LTBP1: variants seen among roughly 807,000 people sequenced by gnomAD.
LTBP1 encodes the protein latent-transforming growth factor beta-binding protein 1.
A neutral mutation model predicts 207.6 loss-of-function variants in LTBP1; 129 were observed. The ratio of observed to expected loss-of-function variants is 0.62; its 90% CI spans 0.54 to 0.72. LTBP1 has a LOEUF of 0.72. LTBP1 is among the 30% of genes least tolerant of loss of function. The probability of loss-of-function intolerance (pLI) is 0.00; values close to 1 mark genes in which losing one functional copy is unlikely to be tolerated. For synonymous variants in LTBP1, 963 were observed against 833.7 expected (o/e 1.16, Z -2.67); for missense variants, 2,281 against 2,217.2 (o/e 1.03, Z -0.58).
intron 3 of LTBP1, among the ~76,000 whole-genome samples, chr2:33,053,951 TAACAGGTGAGGGCTATCCCTA>T (rs2076867366): frequency 6.6e-6 from 1 of 152,118 alleles, no homozygotes; most frequent in East Asian, 1.9e-4. Context: ...CCTGACCAAA[TAACAGGTGAGGGCTATCCCTA>T]AACCCCTGGG....
chr2:33,316,285 T>C (rs2094271003), intron 24 of LTBP1, among the ~76,000 whole-genome samples: 1 of 152,084 alleles, frequency 6.6e-6, no homozygotes, highest in African/African-American at 2.4e-5. Context: ...CTCAGCTATA[T>C]TTTAAAGAAG....
At position 33,110,743 on chromosome 2, in the gene LTBP1, C is replaced by T. The variant is rs755344524; in HGVS notation, c.1025C>T (p.Pro342Leu). ...TATGTGCAGGATCAAGTTGCGGCAC[C>T]TTTTCAGCGTGAGTATAGTCTTATC... is the stretch of plus-strand genomic sequence containing the variant. ...LRYVQDQVAA[P>L]FQLSNHTGRI... Residue 342 changes from proline (P) to leucine (L), a missense_variant, in exon 4 of 34, where the codon CCT (proline) becomes CTT (leucine). By Grantham distance (98) the Pro-to-Leu change is moderately conservative. This residue lies in a region of LTBP1 where 555 missense variants were observed against 491.0 expected (regional missense o/e 1.13). Transcript: ENST00000404816. 1.2e-6 allele frequency: 2 copies of T among 1,613,518 alleles called. No homozygotes were observed. The highest frequency in any genetic ancestry group is 1.7e-6 in the Non-Finnish European group (2 of 1,179,668).
chr2:32,978,413 G>C (rs61566221), intron 2 of LTBP1, among the ~76,000 whole-genome samples: 1 of 152,062 alleles, frequency 6.6e-6, no homozygotes, highest in African/African-American at 2.4e-5. Context: ...TTTTCATGAA[G>C]GGATGTTGAA....
chr2:33,233,812 T>A (rs2091911224), intron 9 of LTBP1, among the ~76,000 whole-genome samples: 1 of 152,240 alleles, frequency 6.6e-6, no homozygotes, highest in East Asian at 1.9e-4. Flanking sequence ...ACACAACTTT[T>A]CAATCTACTT....
intron 4 of LTBP1, among the ~76,000 whole-genome samples, chr2:33,125,103 A>G (rs897540731): frequency 3.9e-5 from 6 of 152,214 alleles, no homozygotes; most frequent in African/African-American, 1.4e-4. Context: ...CCCTCATCCT[A>G]ATTTCCCAAG....
intron 7 of LTBP1, among the ~76,000 whole-genome samples, chr2:33,199,819 T>C (rs1430644163): frequency 6.6e-6 from 1 of 152,068 alleles, no homozygotes; most frequent in Non-Finnish European, 1.5e-5. Context: ...CAAGCATTCT[T>C]ATACACCAAT....
At chr2:33,330,563 T>C (rs1468051648) in intron 24 of LTBP1, among the ~76,000 whole-genome samples, 2 of 151,800 alleles carry the variant, frequency 1.3e-5, no homozygotes, top group Non-Finnish European at 2.9e-5. Context: ...TTTATCATGC[T>C]TGGTTTTGAA....
intron 26 of LTBP1, among the ~76,000 whole-genome samples, chr2:33,354,897 T>G (rs1435178280): frequency 1.3e-5 from 2 of 152,124 alleles, no homozygotes; most frequent in Non-Finnish European, 2.9e-5. Flanking sequence ...CACGCCACCA[T>G]GCACAGCTCG....
rs762959638 is a variant in LTBP1 at position 33,303,352 on chromosome 2, C to CTTTT, written c.3481+1721_3481+1724dup. Among the ~76,000 whole-genome samples, 9 of 132,954 alleles carry CTTTT rather than the reference C, an allele frequency of 6.8e-5. 1 individual carries two copies. Among genetic ancestry groups the CTTTT allele is most frequent in the Non-Finnish European group, 9.5e-5 (6 of 62,924 alleles). The allele number at this position is 132,954 out of a possible 152,430, so 87.2% of individuals were successfully genotyped here. A position where few individuals can be genotyped will look rare whatever the true frequency, so the allele number is the denominator to read the frequency against. On this transcript the variant is annotated intron_variant, in intron 22 of 33. Transcript: ENST00000404816. The stretch of plus-strand genomic sequence containing the variant: ...GATCATCAGGCATTAGTTAGATTTT[C>CTTTT]TTTTTTTTTTTTTTTTGAGACGGAA...
Position 33,259,621 on chromosome 2 carries a change from C to T in LTBP1, c.2418+11C>T. The T allele has an allele frequency of 6.3e-7, 1 of 1,596,854 alleles. No individual in the cohort carries two copies. Among genetic ancestry groups the T allele is most frequent in the Non-Finnish European group, 8.5e-7 (1 of 1,173,028 alleles). ...GCACCCCCTGAAAAGGTAATTTATT[C>T]ATTGCTTGCAAGTCTTTTTTTTTCA... On this transcript the variant is annotated intron_variant, in intron 13 of 33. Coordinates refer to ENST00000404816, the MANE Select transcript of LTBP1 (RefSeq NM_206943.4).
At position 33,228,701 on chromosome 2, in the gene LTBP1, T is replaced by C. The variant is rs1398124899; in HGVS notation, c.1876+6550T>C. 3.0e-4 allele frequency among the ~76,000 whole-genome samples: 38 copies of C among 124,690 alleles called. 5 individuals carry two copies. Among genetic ancestry groups the C allele is most frequent in the East Asian group, 1.9e-3 (9 of 4,680 alleles). 81.8% of individuals were successfully genotyped at this position (124,690 alleles called of 152,430 possible). ...AAGCCCAACCAGGGTTATACCCTTT[T>C]TTTTTTTTTTTTTTTTTGAGATGGA... On this transcript the variant is annotated intron_variant, in intron 9 of 33. Transcript: ENST00000404816.
At chr2:33,318,122 A>G (rs935483793) in intron 24 of LTBP1, among the ~76,000 whole-genome samples, 3 of 152,190 alleles carry the variant, frequency 2.0e-5, no homozygotes, top group Non-Finnish European at 2.9e-5. Context: ...TAATGTACAC[A>G]TTCCAAAATT....
intron 5 of LTBP1, among the ~76,000 whole-genome samples, chr2:33,148,643 T>G (rs1158492466): frequency 2.6e-5 from 4 of 152,350 alleles, no homozygotes; most frequent in African/African-American, 9.6e-5. Context: ...TCTCCAATTC[T>G]CTTATTTCAC....
chr2:33,009,903 C>T (rs530621580), intron 2 of LTBP1, among the ~76,000 whole-genome samples: 21 of 152,284 alleles, frequency 1.4e-4, no homozygotes, highest in South Asian at 6.2e-4. Flanking sequence ...ATGTGGAAAT[C>T]TGGAGTTCCA....
chr2:33,130,874 C>G (rs909076076), intron 4 of LTBP1, among the ~76,000 whole-genome samples: 17 of 152,168 alleles, frequency 1.1e-4, no homozygotes, highest in Non-Finnish European at 2.1e-4. Flanking sequence ...GCTGATTCAC[C>G]TAAAGGGATC....
intron 5 of LTBP1, among the ~76,000 whole-genome samples, chr2:33,175,446 A>T (rs562337764): frequency 2.0e-5 from 3 of 152,230 alleles, no homozygotes; most frequent in Admixed American, 2.0e-4. Flanking sequence ...AATCAAAACC[A>T]CAATGAGATA....
At chr2:33,220,567 A>T (rs1176952673) in intron 8 of LTBP1, among the ~76,000 whole-genome samples, 2 of 152,258 alleles carry the variant, frequency 1.3e-5, no homozygotes, top group African/African-American at 2.4e-5. Flanking sequence ...GAAGAAAATG[A>T]ACATAAAATC....
chr2:33,171,614 C>T (rs1186541400), intron 5 of LTBP1, among the ~76,000 whole-genome samples: 1 of 151,690 alleles, frequency 6.6e-6, no homozygotes, highest in African/African-American at 2.4e-5. Flanking sequence ...CTTCCCCAAT[C>T]TAGCAAGGCA....
intron 10 of LTBP1, among the ~76,000 whole-genome samples, chr2:33,245,793 G>T (rs1405679666): frequency 6.6e-6 from 1 of 152,160 alleles, no homozygotes; most frequent in Non-Finnish European, 1.5e-5. Context: ...AGAGTTTGTT[G>T]TGAATGCTTT....
Sources: allele counts gnomAD v4.1 joint callset (sites outside exome capture counted in the v4.1 genomes callset), GRCh38; gene constraint gnomAD v4.1.1; regional missense constraint gnomAD v4.1.1; transcripts MANE v1.5; gene names NCBI Gene and HGNC (gene_info 2026-07-23, HGNC 2026-07-21).